Variants in CFAP20DC observed in about 807,000 individuals in gnomAD.
The protein encoded by CFAP20DC is CFAP20 domain containing, also known as protein CFAP20DC.
In CFAP20DC, 84 loss-of-function variants were observed where a neutral mutation model predicts 101.7. The ratio of observed to expected loss-of-function variants is 0.83; its 90% CI spans 0.69 to 0.99. CFAP20DC has a LOEUF of 0.99. Among genes scored for constraint, CFAP20DC ranks in the 50% least tolerant of loss-of-function variants. The pLI, the probability that CFAP20DC is intolerant of heterozygous loss-of-function variation, is 0.00. For synonymous variants in CFAP20DC, 359 were observed against 351.2 expected, an observed-to-expected ratio of 1.02 and a Z score of -0.25; for missense variants, 1,007 against 970.3, an observed-to-expected ratio of 1.04 and a Z score of -0.50.
Position 59,049,777 on chromosome 3 carries a change from G to T in CFAP20DC, c.-146C>A. The T allele has an allele frequency of 1.1e-6, 1 of 911,230 alleles. No homozygotes were observed. Among genetic ancestry groups the T allele is most frequent in the South Asian group, 1.7e-5 (1 of 58,394 alleles). The allele number at this position is 911,230 out of a possible 1,614,324, so 56.4% of individuals were successfully genotyped here. On this transcript the variant is annotated 5_prime_UTR_variant, in exon 1 of 17. Transcript: ENST00000482387. ...TCGTGCTTGGCCCAGACTTGGGCAG[G>T]CTCTTCTCAGCCCCTCCGGCCCCTG...
chr3:58,753,316 C>A (rs916247305), intron 16 of CFAP20DC, among the ~76,000 whole-genome samples: 2 of 152,110 alleles, frequency 1.3e-5, no homozygotes, highest in African/African-American at 4.8e-5. Flanking sequence ...TATAATAATG[C>A]CAACAGCTGG....
intron 14 of CFAP20DC, among the ~76,000 whole-genome samples, chr3:58,822,627 T>G (rs1275840516): frequency 6.6e-6 from 1 of 151,940 alleles, no homozygotes; most frequent in Non-Finnish European, 1.5e-5. Context: ...CCTTTCCATC[T>G]TTGCTCATAG....
rs35001935 is a variant in CFAP20DC, at chr3:58,907,094, C to CGTGTGTGT, written c.550+6606_550+6613dup. ...ATTAAGACCTTCCTACTTTGTGCCT[C>CGTGTGTGT]GTGTGTGTGTGTGTGTGTGTGTATG... On this transcript the variant is annotated intron_variant, in intron 6 of 16. Transcript: ENST00000482387. 2.5e-3 allele frequency among the ~76,000 whole-genome samples: 377 copies of CGTGTGTGT among 149,234 alleles called. 4 individuals carry two copies. Among genetic ancestry groups the CGTGTGTGT allele is most frequent in the African/African-American group, 8.5e-3 (350 of 40,948 alleles).
At chr3:58,758,483 C>T (rs1324638711) in intron 15 of CFAP20DC, among the ~76,000 whole-genome samples, 1 of 152,016 alleles carries the variant, frequency 6.6e-6, no homozygotes, top group African/African-American at 2.4e-5. Flanking sequence ...TCCATACTTG[C>T]CCCTTGGACT....
intron 14 of CFAP20DC, among the ~76,000 whole-genome samples, chr3:58,812,228 T>A (rs2074706206): frequency 6.6e-6 from 1 of 152,068 alleles, no homozygotes; most frequent in Admixed American, 6.6e-5. Context: ...GGACTATAAA[T>A]CATGCTGCTA....
At chr3:58,992,467 T>C in intron 4 of CFAP20DC, 1 of 630,524 alleles carries the variant, frequency 1.6e-6, no homozygotes. Flanking sequence ...GACATATTGG[T>C]CAGAAAAACA....
chr3:58,957,677 T>C (rs371504475), intron 4 of CFAP20DC, among the ~76,000 whole-genome samples: 4 of 152,082 alleles, frequency 2.6e-5, no homozygotes, highest in East Asian at 1.9e-4. Context: ...AGCCATAAAA[T>C]AGAATGAGAT....
intron 13 of CFAP20DC, among the ~76,000 whole-genome samples, chr3:58,842,027 A>G (rs1459655822): frequency 6.6e-6 from 1 of 152,226 alleles, no homozygotes; most frequent in East Asian, 1.9e-4. Flanking sequence ...TTCTTTCCTA[A>G]TTAAAAATAT....
chr3:58,837,335 C>T (rs1335505720), intron 13 of CFAP20DC, among the ~76,000 whole-genome samples: 2 of 152,168 alleles, frequency 1.3e-5, no homozygotes, highest in Non-Finnish European at 2.9e-5. Context: ...CAGTGGAACA[C>T]GACACAGCAG....
chr3:58,880,002 A>G (rs1040942672), intron 7 of CFAP20DC, among the ~76,000 whole-genome samples: 1 of 151,910 alleles, frequency 6.6e-6, no homozygotes, highest in South Asian at 2.1e-4. Context: ...ACAGAAAAAT[A>G]TATTTTAATT....
intron 4 of CFAP20DC, among the ~76,000 whole-genome samples, chr3:58,978,591 C>T (rs1238457445): frequency 6.6e-6 from 1 of 151,872 alleles, no homozygotes; most frequent in Non-Finnish European, 1.5e-5. Context: ...CGTCTGTAAT[C>T]CCAGCTGCTC....
intron 5 of CFAP20DC, among the ~76,000 whole-genome samples, chr3:58,925,320 G>A (rs2085831559): frequency 6.6e-6 from 1 of 152,136 alleles, no homozygotes; most frequent in Non-Finnish European, 1.5e-5. Flanking sequence ...ACATGGCTAG[G>A]AAAGTCTGAT....
At chr3:58,969,464 C>T (rs1382944539) in intron 4 of CFAP20DC, among the ~76,000 whole-genome samples, 3 of 152,136 alleles carry the variant, frequency 2.0e-5, no homozygotes, top group East Asian at 3.9e-4. Context: ...CAATTTCACT[C>T]GTAGGTGAGC....
At chr3:58,716,706 T>C (rs2067404499), downstream of CFAP20DC, among the ~76,000 whole-genome samples, 1 of 152,134 alleles carries the variant, frequency 6.6e-6, no homozygotes, top group South Asian at 2.1e-4. Flanking sequence ...GCCACTGACA[T>C]TTCAGGTACC....
At chr3:58,749,253 C>T (rs767261176) in intron 16 of CFAP20DC, among the ~76,000 whole-genome samples, 26 of 152,126 alleles carry the variant, frequency 1.7e-4, no homozygotes, top group Non-Finnish European at 3.5e-4. Flanking sequence ...TGTTCAGCAA[C>T]TTTTAGACTC....
At position 58,863,919 on chromosome 3, in the gene CFAP20DC, T is replaced by A; in HGVS notation, c.1259-27A>T. The stretch of plus-strand genomic sequence containing the variant: ...TGACAGTTGGAAAAGATGACAAAAA[T>A]TAGAGCAGTAATCCATAAAAGTGTT... On this transcript the variant is annotated intron_variant, in intron 11 of 16. Transcript: ENST00000482387. This position sits in a 1 kb window ranked among gnomAD's most constrained non-coding sequence, Gnocchi z 5.9. The A allele has an allele frequency of 6.3e-7, 1 of 1,580,046 alleles. No homozygotes were observed. Among genetic ancestry groups the A allele is most frequent in the Non-Finnish European group, 8.6e-7 (1 of 1,164,316 alleles).
chr3:58,986,807 A>G (rs1559947095), intron 4 of CFAP20DC, among the ~76,000 whole-genome samples: 1 of 152,148 alleles, frequency 6.6e-6, no homozygotes, highest in Non-Finnish European at 1.5e-5. Context: ...CTCTCACGGA[A>G]AAAACGACCC....
chr3:58,884,189 T>G (rs914010280), intron 7 of CFAP20DC, among the ~76,000 whole-genome samples: 1 of 152,180 alleles, frequency 6.6e-6, no homozygotes, highest in African/African-American at 2.4e-5. Flanking sequence ...TCCCCACTAC[T>G]CCCTACAACT....
In CFAP20DC at chr3:59,014,917, C is replaced by T. The variant is rs950349475; in HGVS notation, c.278+24640G>A. On this transcript the variant is annotated intron_variant, in intron 4 of 16. Coordinates refer to ENST00000482387, the MANE Select transcript of CFAP20DC (RefSeq NM_001394063.1). The surrounding 1 kb of genome is among the most constrained non-coding windows in gnomAD (Gnocchi z 4.9). ...TGTCAGATTGGTAGCTTGAAAGCAGCCATGGTGGGAATATTTACACCACAG... is the reference window on the plus strand; with the variant it reads ...TGTCAGATTGGTAGCTTGAAAGCAGTCATGGTGGGAATATTTACACCACAG... 6.6e-5 allele frequency among the ~76,000 whole-genome samples: 10 copies of T among 152,072 alleles called. No individual in the cohort carries two copies. Among genetic ancestry groups the T allele is most frequent in the African/African-American group, 2.2e-4 (9 of 41,424 alleles).
Sources: allele counts gnomAD v4.1 joint callset (sites outside exome capture counted in the v4.1 genomes callset), GRCh38; gene constraint gnomAD v4.1.1; non-coding constraint Gnocchi (gnomAD v3.1); transcripts MANE v1.5; gene names NCBI Gene and HGNC (gene_info 2026-07-23, HGNC 2026-07-21).